Variants in AK5 observed in about 807,000 individuals in gnomAD.
AK5 encodes the protein adenylate kinase isoenzyme 5.
AK5 carries 27 observed loss-of-function variants against 69.5 expected under a neutral mutation model. That is an observed-to-expected ratio of 0.39 (90% CI 0.29 to 0.54). The LOEUF is 0.54. Ranked by LOEUF, AK5 falls within the 20% of genes least tolerant of loss-of-function variation. AK5 has a pLI of 0.71. For missense variants in AK5, 531 were observed against 700.4 expected (o/e 0.76, Z 2.73); for synonymous variants, 260 against 244.4 (o/e 1.06, Z -0.60).
intron 12 of AK5, among the ~76,000 whole-genome samples, chr1:77,531,476 A>G (rs1366245036): frequency 6.6e-6 from 1 of 152,158 alleles, no homozygotes; most frequent in Non-Finnish European, 1.5e-5. Context: ...CAGGGTAGCT[A>G]GATACAGAGT....
intron 8 of AK5, among the ~76,000 whole-genome samples, chr1:77,483,038 A>G (rs1655365786): frequency 8.5e-6 from 1 of 118,282 alleles, no homozygotes. Context: ...AAAAAAAAAA[A>G]AAGAGGTGAG....
intron 6 of AK5, among the ~76,000 whole-genome samples, chr1:77,361,663 G>A (rs758186613): frequency 3.3e-5 from 5 of 152,172 alleles, no homozygotes; most frequent in East Asian, 3.8e-4. Context: ...ACAGTTCCAC[G>A]TGGCTGGGGA....
intron 5 of AK5, among the ~76,000 whole-genome samples, chr1:77,326,234 C>T (rs1660797606): frequency 6.6e-6 from 1 of 152,138 alleles, no homozygotes; most frequent in East Asian, 1.9e-4. Flanking sequence ...TACCATCACT[C>T]CTCCATCCAT....
At chr1:77,501,348 C>T (rs1656707167) in intron 10 of AK5, among the ~76,000 whole-genome samples, 1 of 152,224 alleles carries the variant, frequency 6.6e-6, no homozygotes, top group Admixed American at 6.5e-5. Context: ...CATATACAGT[C>T]ATGCATCACT....
chr1:77,297,800 G>C (rs1350548950), intron 4 of AK5, 34 bp from the exon 5 acceptor site: 1 of 1,605,438 alleles, frequency 6.2e-7, no homozygotes, highest in East Asian at 2.2e-5. Flanking sequence ...GTTTAACTGT[G>C]GGGTTTTTTT....
intron 10 of AK5, among the ~76,000 whole-genome samples, chr1:77,498,648 AG>A (rs1351580229): frequency 1.3e-5 from 2 of 152,194 alleles, no homozygotes; most frequent in African/African-American, 4.8e-5. Context: ...CACATGCAGC[AG>A]GGCTCCTAGT....
chr1:77,508,698 C>T (rs1268626251), intron 10 of AK5, among the ~76,000 whole-genome samples: 1 of 152,070 alleles, frequency 6.6e-6, no homozygotes, highest in Non-Finnish European at 1.5e-5. Context: ...AAAACCCCGT[C>T]TCTACTAAAA....
chr1:77,545,570 C>T lies in AK5; in HGVS notation c.1620+9532C>T, dbSNP rs138254093. Among the ~76,000 whole-genome samples, 533 of 152,268 alleles carry T rather than the reference C, an allele frequency of 3.5e-3. 3 individuals are homozygous for T. The highest frequency in any genetic ancestry group is 0.012 in the African/African-American group (512 of 41,530). ...TAATTAGATTTTTTTCTAGTAGGAG[C>T]GACTGCTGAGCTATTTTAAGCAAAG... On this transcript the variant is annotated intron_variant, in intron 13 of 13. Transcript: ENST00000354567.
intron 6 of AK5, among the ~76,000 whole-genome samples, chr1:77,352,175 A>G (rs192094979): frequency 0.012 from 1,893 of 151,976 alleles, 20 homozygotes; most frequent in Middle Eastern, 0.037. Flanking sequence ...TGATCCGCCC[A>G]CCTTGGCCTC....
At chr1:77,458,103 TAA>T (rs35612924) in intron 8 of AK5, among the ~76,000 whole-genome samples, 20,255 of 127,526 alleles carry the variant, frequency 0.16, 1,820 homozygotes, top group Non-Finnish European at 0.2. Flanking sequence ...CCCCATTTCT[TAA>T]AAAAAAAAAA....
intron 10 of AK5, among the ~76,000 whole-genome samples, chr1:77,512,727 C>T (rs200599492): frequency 0.026 from 4,011 of 152,094 alleles, 179 homozygotes; most frequent in East Asian, 0.22. Flanking sequence ...ATGTTTATTG[C>T]GGCACTATTC....
chr1:77,487,045 A>T (rs75142713), intron 10 of AK5, among the ~76,000 whole-genome samples: 6,021 of 152,338 alleles, frequency 0.04, 158 homozygotes, highest in Middle Eastern at 0.085. Context: ...CCAGATCCTG[A>T]TTCTATACAG....
chr1:77,509,404 G>A (rs111426163), intron 10 of AK5, among the ~76,000 whole-genome samples: 3,984 of 152,212 alleles, frequency 0.026, 90 homozygotes, highest in Non-Finnish European at 0.03. Flanking sequence ...TCAGTTCCCA[G>A]CAACAGCCTG....
chr1:77,495,071 C>T (rs72681684), intron 10 of AK5, among the ~76,000 whole-genome samples: 23,621 of 152,014 alleles, frequency 0.16, 2,127 homozygotes, highest in South Asian at 0.36. Context: ...TGTGAGCCAC[C>T]GCACCCGGCC....
At chr1:77,479,235 G>A (rs1034502337) in intron 8 of AK5, among the ~76,000 whole-genome samples, 2 of 109,170 alleles carry the variant, frequency 1.8e-5, no homozygotes, top group African/African-American at 3.7e-5. Flanking sequence ...GCGGAATTTC[G>A]CTCTTGTTGC....
At chr1:77,537,227 C>T (rs112696323) in intron 13 of AK5, among the ~76,000 whole-genome samples, 3 of 152,004 alleles carry the variant, frequency 2.0e-5, no homozygotes, top group African/African-American at 7.2e-5. Context: ...GTCTCTGAAG[C>T]GGGGGTGCAC....
chr1:77,489,028 G>A (rs551296364), intron 10 of AK5, among the ~76,000 whole-genome samples: 31 of 152,238 alleles, frequency 2.0e-4, no homozygotes, highest in Non-Finnish European at 4.3e-4. Context: ...TACTGTCTTG[G>A]CAGTAATATT....
In AK5 at chr1:77,340,751, A is replaced by T. The variant is rs1005624944; in HGVS notation, c.891+183A>T. The T allele has an allele frequency of 4.1e-5, 13 of 314,364 alleles. No individual in the cohort carries two copies. The African/African-American group carries it at 9.4e-4, about 23-fold the overall frequency. The allele number at this position is 314,364 out of a possible 1,614,324, so 19.5% of individuals were successfully genotyped here. A position where few individuals can be genotyped will look rare whatever the true frequency, so the allele number is the denominator to read the frequency against. On this transcript the variant is annotated intron_variant, in intron 6 of 13. Coordinates refer to ENST00000354567, the MANE Select transcript of AK5 (RefSeq NM_174858.3). ...CTTTTTAAGCCATCATGTTTTTTTA[A>T]AAAAACTTTCTTTTTAATTTAATTG...
intron 6 of AK5, among the ~76,000 whole-genome samples, chr1:77,358,496 C>T (rs1233910237): frequency 2.0e-5 from 3 of 152,126 alleles, no homozygotes; most frequent in Non-Finnish European, 4.4e-5. Context: ...CTGCAGAACC[C>T]TCTGCAGATC....
Sources: allele counts gnomAD v4.1 joint callset (sites outside exome capture counted in the v4.1 genomes callset), GRCh38; gene constraint gnomAD v4.1.1; transcripts MANE v1.5; gene names NCBI Gene and HGNC (gene_info 2026-07-23, HGNC 2026-07-21).